The following CCSER1 variants were observed in gnomAD, a reference collection of about 807,000 sequenced individuals.
CCSER1 encodes the protein coiled-coil serine rich protein 1, also known as serine-rich coiled-coil domain-containing protein 1.
In CCSER1, 41 loss-of-function variants were observed where a neutral mutation model predicts 82.0. The ratio of observed to expected loss-of-function variants is 0.50; its 90% CI spans 0.39 to 0.65. CCSER1 has a LOEUF of 0.65. CCSER1 is among the 30% of genes least tolerant of loss of function. The pLI is 0.00. For synonymous variants in CCSER1, 414 were observed against 383.9 expected (o/e 1.08, Z -0.92); for missense variants, 1,119 against 1,064.2 (o/e 1.05, Z -0.72).
At chr4:90,249,329 T>C (rs1023703450) in intron 1 of CCSER1, among the ~76,000 whole-genome samples, 3 of 152,194 alleles carry the variant, frequency 2.0e-5, no homozygotes, top group African/African-American at 4.8e-5. Context: ...TGCTTATTAA[T>C]AGTTTTATCA....
chr4:91,114,069 G>T (rs895478364), intron 10 of CCSER1, among the ~76,000 whole-genome samples: 2 of 152,092 alleles, frequency 1.3e-5, no homozygotes, highest in Non-Finnish European at 1.5e-5. Context: ...AGCCAGGATG[G>T]TCTCGATCTC....
intron 10 of CCSER1, among the ~76,000 whole-genome samples, chr4:91,092,509 G>T (rs1724067363): frequency 6.6e-6 from 1 of 152,238 alleles, no homozygotes; most frequent in South Asian, 2.1e-4. Flanking sequence ...GAGGGGCCTT[G>T]CTTTGCATTG....
chr4:90,460,190 T>C (rs1023002286), intron 4 of CCSER1, among the ~76,000 whole-genome samples: 13 of 147,336 alleles, frequency 8.8e-5, no homozygotes, highest in African/African-American at 3.4e-4. Context: ...CCGGGCATGG[T>C]GGCGCGTGCC....
chr4:91,181,088 A>G (rs149049112), intron 10 of CCSER1, among the ~76,000 whole-genome samples: 2,047 of 152,334 alleles, frequency 0.013, 31 homozygotes, highest in African/African-American at 0.037. Flanking sequence ...GTCTTCCAGC[A>G]TGGGCATTAG....
intron 10 of CCSER1, among the ~76,000 whole-genome samples, chr4:91,442,852 G>A (rs1234473529): frequency 1.3e-5 from 2 of 152,092 alleles, no homozygotes; most frequent in Non-Finnish European, 2.9e-5. Flanking sequence ...CATTTATGCA[G>A]CCAAAAAACA....
chr4:90,516,575 A>G (rs1772301462), intron 5 of CCSER1, among the ~76,000 whole-genome samples: 1 of 152,196 alleles, frequency 6.6e-6, no homozygotes, highest in African/African-American at 2.4e-5. Context: ...ACAGGAAAAT[A>G]GATTCCTGAC....
intron 6 of CCSER1, among the ~76,000 whole-genome samples, chr4:90,655,716 G>A (rs1322080046): frequency 1.3e-5 from 2 of 151,866 alleles, no homozygotes; most frequent in African/African-American, 4.8e-5. Flanking sequence ...TTTGATGGAT[G>A]CAAAAATATA....
intron 5 of CCSER1, among the ~76,000 whole-genome samples, chr4:90,529,133 C>A (rs1242586367): frequency 6.6e-6 from 1 of 152,022 alleles, no homozygotes; most frequent in African/African-American, 2.4e-5. Flanking sequence ...CCTCTTTCTT[C>A]CAGATTTTAT....
In CCSER1 at chr4:91,384,580, G is replaced by T. The variant is rs374599019; in HGVS notation, c.2218-213992G>T. Among the ~76,000 whole-genome samples the T allele has an allele frequency of 3.3e-5, 5 of 152,030 alleles. No individual in the cohort carries two copies. The East Asian group carries it at 9.6e-4, about 29-fold the overall frequency. On this transcript the variant is annotated intron_variant, in intron 10 of 10. Transcript: ENST00000509176. Reference sequence around the variant, plus strand: ...TATGTGCAAGAATAATATAAAAATGGTTGAGAGAATTAAATGTAAACAATG... The same window carrying T: ...TATGTGCAAGAATAATATAAAAATGTTTGAGAGAATTAAATGTAAACAATG...
chr4:90,611,059 C>CTTTTCTTTTTTTTTTT (rs1303751301), intron 5 of CCSER1, among the ~76,000 whole-genome samples: 25 of 93,828 alleles, frequency 2.7e-4, no homozygotes, highest in South Asian at 2.0e-3. Context: ...CTTTTCTTTT[C>CTTTTCTTTTTTTTTTT]TTTTTTTTTT....
At chr4:91,593,713 G>C (rs1764383657) in intron 10 of CCSER1, among the ~76,000 whole-genome samples, 1 of 151,890 alleles carries the variant, frequency 6.6e-6, no homozygotes, top group South Asian at 2.1e-4. Flanking sequence ...AAATGCAAAA[G>C]GACTGTCTGT....
At chr4:91,441,489 C>T (rs1471880057) in intron 10 of CCSER1, among the ~76,000 whole-genome samples, 2 of 152,092 alleles carry the variant, frequency 1.3e-5, no homozygotes, top group South Asian at 4.2e-4. Context: ...TAAGAGCTAT[C>T]TATGACAAAC....
chr4:90,615,853 C>G (rs2148847620), intron 5 of CCSER1, among the ~76,000 whole-genome samples: 1 of 152,110 alleles, frequency 6.6e-6, no homozygotes, highest in East Asian at 1.9e-4. Flanking sequence ...AAAATGCTAC[C>G]AAATGGAATT....
At chr4:91,076,629 A>C (rs78175806) in intron 9 of CCSER1, among the ~76,000 whole-genome samples, 1 of 152,084 alleles carries the variant, frequency 6.6e-6, no homozygotes, top group African/African-American at 2.4e-5. Flanking sequence ...CTTTGAAAAA[A>C]TAAGCTAAAA....
At chr4:90,786,011 C>G (rs1754462260) in intron 7 of CCSER1, among the ~76,000 whole-genome samples, 1 of 152,164 alleles carries the variant, frequency 6.6e-6, no homozygotes, top group South Asian at 2.1e-4. Context: ...TCCCTATTCT[C>G]TAAAACAAAT....
At chr4:91,076,074 C>T (rs1379642618) in intron 9 of CCSER1, among the ~76,000 whole-genome samples, 1 of 152,158 alleles carries the variant, frequency 6.6e-6, no homozygotes, top group Non-Finnish European at 1.5e-5. Flanking sequence ...ATGAATCTTA[C>T]TATACCTTAC....
intron 10 of CCSER1, among the ~76,000 whole-genome samples, chr4:91,557,989 T>C (rs552569441): frequency 9.2e-4 from 139 of 151,236 alleles, no homozygotes; most frequent in Admixed American, 1.3e-3. Flanking sequence ...ATGGGGTAAA[T>C]TAAAATACAA....
intron 10 of CCSER1, among the ~76,000 whole-genome samples, chr4:91,306,223 A>C (rs1294698849): frequency 6.6e-6 from 1 of 151,972 alleles, no homozygotes; most frequent in Non-Finnish European, 1.5e-5. Flanking sequence ...CTACATTAAT[A>C]CTTCCTTCCA....
chr4:91,199,204 A>C (rs2149063747), intron 10 of CCSER1, among the ~76,000 whole-genome samples: 1 of 152,238 alleles, frequency 6.6e-6, no homozygotes, highest in East Asian at 1.9e-4. Flanking sequence ...TTGTCACCCA[A>C]AGCACAGAAA....
Sources: allele counts gnomAD v4.1 joint callset (sites outside exome capture counted in the v4.1 genomes callset), GRCh38; gene constraint gnomAD v4.1.1; transcripts MANE v1.5; gene names NCBI Gene and HGNC (gene_info 2026-07-23, HGNC 2026-07-21).